RORB: variants seen among roughly 807,000 people sequenced by gnomAD.
The protein encoded by RORB is nuclear receptor ROR-beta.
In RORB, 6 loss-of-function variants were observed where a neutral mutation model predicts 59.1. The ratio of observed to expected loss-of-function variants is 0.10; its 90% CI spans 0.06 to 0.20. The LOEUF (loss-of-function observed/expected upper bound fraction) is 0.20, where lower values mean the gene tolerates loss of function less well. Among genes scored for constraint, RORB ranks in the 10% least tolerant of loss-of-function variants. The probability of loss-of-function intolerance (pLI) is 1.00; values close to 1 mark genes in which losing one functional copy is unlikely to be tolerated. For missense variants in RORB, 320 were observed against 560.5 expected (o/e 0.57, Z 4.33); for synonymous variants, 215 against 204.5 (o/e 1.05, Z -0.44).
intron 1 of RORB, among the ~76,000 whole-genome samples, chr9:74,580,228 A>T (rs1295536403): frequency 2.6e-5 from 4 of 152,156 alleles, no homozygotes; most frequent in Non-Finnish European, 4.4e-5. Context: ...AATATACCTC[A>T]ACAAGAGTGT....
In RORB at chr9:74,616,354, T is replaced by C. The variant is rs78612240; in HGVS notation, c.8-13928T>C. Among the ~76,000 whole-genome samples, 929 of 152,282 alleles carry C rather than the reference T, an allele frequency of 6.1e-3. 6 individuals are homozygous for C. Among genetic ancestry groups the C allele is most frequent in the African/African-American group, 0.021 (877 of 41,554 alleles). On this transcript the variant is annotated intron_variant, in intron 1 of 9. Transcript: ENST00000376896. The stretch of plus-strand genomic sequence containing the variant: ...TAATTGTTTCAAATAATATAAACAC[T>C]GCATTGTTCAAAAAAGTTCCTGATC...
At chr9:74,509,089 A>G (rs1825902750) in intron 1 of RORB, among the ~76,000 whole-genome samples, 1 of 152,074 alleles carries the variant, frequency 6.6e-6, no homozygotes, top group Non-Finnish European at 1.5e-5. Context: ...GACCACATGA[A>G]GAATAGAGAA....
chr9:74,582,120 C>T (rs1822733977), intron 1 of RORB, among the ~76,000 whole-genome samples: 2 of 152,102 alleles, frequency 1.3e-5, no homozygotes, highest in South Asian at 4.1e-4. Flanking sequence ...ATAGTGCATT[C>T]TGTCAGGAGA....
At chr9:74,651,332 C>T (rs1166320269) in intron 4 of RORB, among the ~76,000 whole-genome samples, 3 of 152,070 alleles carry the variant, frequency 2.0e-5, no homozygotes, top group African/African-American at 7.2e-5. Context: ...GTCAGGAGTT[C>T]GAGGCCAGCC....
rs78528574 is a variant in RORB, at chr9:74,607,567, A to G, written c.8-22715A>G. Reference sequence around the variant, plus strand: ...GCAGACAGGGAAAGATACATTTCATATAGACACATGTTTATACTATATATA... The same window carrying G: ...GCAGACAGGGAAAGATACATTTCATGTAGACACATGTTTATACTATATATA... On this transcript the variant is annotated intron_variant, in intron 1 of 9. Coordinates refer to ENST00000376896, the MANE Select transcript of RORB (RefSeq NM_006914.4). Among the ~76,000 whole-genome samples the G allele has an allele frequency of 2.0e-3, 299 of 151,340 alleles. 3 individuals are homozygous for G. Among genetic ancestry groups the G allele is most frequent in the East Asian group, 0.016 (82 of 5,154 alleles).
intron 1 of RORB, among the ~76,000 whole-genome samples, chr9:74,541,266 A>G (rs1055257234): frequency 2.4e-5 from 3 of 124,716 alleles, no homozygotes; most frequent in Admixed American, 9.6e-5. Context: ...GGCAACAGAA[A>G]GAGACTCCAT....
chr9:74,602,301 C>A (rs1014731160), intron 1 of RORB, among the ~76,000 whole-genome samples: 18 of 152,120 alleles, frequency 1.2e-4, no homozygotes, highest in African/African-American at 4.1e-4. Context: ...CCTGAAGCAT[C>A]ATAAGCACTT....
intron 6 of RORB, among the ~76,000 whole-genome samples, chr9:74,663,228 G>A (rs1219517984): frequency 6.6e-6 from 1 of 151,952 alleles, no homozygotes; most frequent in Admixed American, 6.6e-5. Flanking sequence ...TAAGAACCAT[G>A]ATGGTGTTTA....
At chr9:74,578,151 T>A (rs1822665562) in intron 1 of RORB, among the ~76,000 whole-genome samples, 1 of 152,094 alleles carries the variant, frequency 6.6e-6, no homozygotes. Context: ...TTTTTCACTA[T>A]GCTTGCTGTT....
chr9:74,689,856 T>C lies in RORB; in HGVS notation c.*4238T>C, dbSNP rs763963211. On this transcript the variant is annotated 3_prime_UTR_variant, in exon 10 of 10. Transcript: ENST00000376896. ...AAAAACAACAATCAGATGCAAATAA[T>C]GGCAGTGTTGTTCTATGTTCTTTGT... is the stretch of plus-strand genomic sequence containing the variant. The C allele has an allele frequency of 1.3e-5, 2 of 152,194 alleles. No individual in the cohort carries two copies. Among genetic ancestry groups the C allele is most frequent in the Non-Finnish European group, 2.9e-5 (2 of 68,028 alleles). The allele number at this position is 152,194 out of a possible 1,614,324, so 9.4% of individuals were successfully genotyped here.
intron 1 of RORB, among the ~76,000 whole-genome samples, chr9:74,557,327 G>A (rs1465821778): frequency 6.6e-6 from 1 of 152,128 alleles, no homozygotes; most frequent in Non-Finnish European, 1.5e-5. Flanking sequence ...CACGAATGAG[G>A]AGGCAGGTAA....
At chr9:74,522,972 G>A (rs1379460118) in intron 1 of RORB, among the ~76,000 whole-genome samples, 1 of 151,818 alleles carries the variant, frequency 6.6e-6, no homozygotes, top group Non-Finnish European at 1.5e-5. Flanking sequence ...GATAGGGATG[G>A]TGCCACTTGA....
intron 1 of RORB, among the ~76,000 whole-genome samples, chr9:74,628,866 G>T (rs1823567230): frequency 6.6e-6 from 1 of 152,082 alleles, no homozygotes; most frequent in East Asian, 1.9e-4. Context: ...TTGTCTCATG[G>T]ATCCATCCAT....
At chr9:74,570,378 A>G (rs1178289985) in intron 1 of RORB, among the ~76,000 whole-genome samples, 1 of 152,136 alleles carries the variant, frequency 6.6e-6, no homozygotes, top group Non-Finnish European at 1.5e-5. Context: ...GCATATTTGC[A>G]TAATTAAGCA....
chr9:74,682,625 A>G (rs1171395706), intron 9 of RORB, among the ~76,000 whole-genome samples: 2 of 152,152 alleles, frequency 1.3e-5, no homozygotes, highest in Non-Finnish European at 2.9e-5. Flanking sequence ...CTTGACCCCC[A>G]CCAAACTAAT....
At chr9:74,593,192 C>T (rs947489878) in intron 1 of RORB, among the ~76,000 whole-genome samples, 3 of 152,072 alleles carry the variant, frequency 2.0e-5, no homozygotes, top group African/African-American at 4.8e-5. Context: ...AGAGGCCGGG[C>T]GCGGTGGCAC....
intron 1 of RORB, among the ~76,000 whole-genome samples, chr9:74,552,329 A>C (rs927398962): frequency 5.3e-5 from 8 of 152,096 alleles, no homozygotes; most frequent in African/African-American, 1.9e-4. Context: ...TAACATAATG[A>C]TTAAGAACAC....
intron 1 of RORB, among the ~76,000 whole-genome samples, chr9:74,567,913 C>G (rs1486905580): frequency 6.6e-6 from 1 of 152,186 alleles, no homozygotes; most frequent in Non-Finnish European, 1.5e-5. Context: ...TGCCAGGTGA[C>G]TTGTCATAGA....
chr9:74,651,464 G>A (rs146500409), intron 4 of RORB, among the ~76,000 whole-genome samples: 42 of 152,034 alleles, frequency 2.8e-4, no homozygotes, highest in African/African-American at 9.2e-4. Context: ...GAACCTGGGA[G>A]GCAGAGGTTG....
Sources: gnomAD v4.1 joint callset for allele counts (sites outside exome capture counted in the v4.1 genomes callset) on GRCh38, gnomAD v4.1.1 for gene constraint, MANE v1.5 for transcripts, NCBI Gene and HGNC (gene_info 2026-07-23, HGNC 2026-07-21) for gene names.